SPHKAP: variants seen among roughly 807,000 people sequenced by gnomAD.
The protein encoded by SPHKAP is SPHK1 interactor, AKAP domain containing.
In SPHKAP, 67 loss-of-function variants were observed where a neutral mutation model predicts 137.5. The ratio of observed to expected loss-of-function variants is 0.49; its 90% CI spans 0.40 to 0.60. The LOEUF (loss-of-function observed/expected upper bound fraction) is 0.60, where lower values mean the gene tolerates loss of function less well. Ranked by LOEUF, SPHKAP falls within the 20% of genes least tolerant of loss-of-function variation. The pLI is 0.00. For missense variants in SPHKAP, 2,097 were observed against 2,069.3 expected, an observed-to-expected ratio of 1.01 and a Z score of -0.26; for synonymous variants, 813 against 785.3, an observed-to-expected ratio of 1.04 and a Z score of -0.59.
intron 11 of SPHKAP, chr2:227,982,370 A>C (rs1035057875): frequency 1.2e-5 from 12 of 985,244 alleles, no homozygotes; most frequent in Non-Finnish European, 6.0e-6. Context: ...TCCAGGCTAA[A>C]ATCAAGGATC....
intron 6 of SPHKAP, among the ~76,000 whole-genome samples, chr2:228,021,429 G>A (rs1694835984): frequency 6.6e-6 from 1 of 152,084 alleles, no homozygotes; most frequent in South Asian, 2.1e-4. Context: ...TCCATCTCTT[G>A]GCAGGCAGGA....
chr2:228,174,688 A>G (rs1241245064), intron 1 of SPHKAP, among the ~76,000 whole-genome samples: 2 of 152,236 alleles, frequency 1.3e-5, no homozygotes, highest in Non-Finnish European at 2.9e-5. Context: ...AGGAAAATAG[A>G]AAAACACTTC....
intron 2 of SPHKAP, among the ~76,000 whole-genome samples, chr2:228,119,471 A>ACTCTTT (rs1698838921): frequency 6.7e-6 from 1 of 148,462 alleles, no homozygotes; most frequent in African/African-American, 2.5e-5. Context: ...ACACACACAC[A>ACTCTTT]CTCTCTCTCT....
At chr2:228,134,921 T>C (rs1235055466) in intron 1 of SPHKAP, among the ~76,000 whole-genome samples, 2 of 152,098 alleles carry the variant, frequency 1.3e-5, no homozygotes, top group Admixed American at 6.6e-5. Context: ...ATGGGCAAAC[T>C]GAGAAGAAAG....
At chr2:228,005,529 G>T (rs965626676) in intron 7 of SPHKAP, among the ~76,000 whole-genome samples, 2 of 152,108 alleles carry the variant, frequency 1.3e-5, no homozygotes, top group African/African-American at 4.8e-5. Flanking sequence ...TCTTTTAATT[G>T]GAGCATTTAG....
intron 3 of SPHKAP, among the ~76,000 whole-genome samples, chr2:228,030,543 CAA>C (rs1553615001): frequency 5.1e-5 from 4 of 78,730 alleles, no homozygotes; most frequent in African/African-American, 1.6e-4. Flanking sequence ...CAACAAAAAA[CAA>C]AAAAAAAAAA....
At chr2:228,026,737 G>A (rs987221554) in intron 4 of SPHKAP, among the ~76,000 whole-genome samples, 1 of 152,140 alleles carries the variant, frequency 6.6e-6, no homozygotes, top group African/African-American at 2.4e-5. Context: ...GTGAAAATTT[G>A]TAATCAATTA....
rs763203962 is a variant in SPHKAP, at chr2:228,019,892, T to A, written c.962A>T (p.His321Leu). Residue 321 changes from histidine to leucine, a missense_variant, in exon 7 of 12, where the codon CAT (histidine) becomes CTT (leucine). By Grantham distance (99) the His-to-Leu change is moderately conservative (BLOSUM62 -3). Coordinates refer to ENST00000392056, the MANE Select transcript of SPHKAP (RefSeq NM_001142644.2). ...EAVGNGRQAT[H>L]YYHSEAFKGQ... is the part of the protein sequence containing the mutation. ...TTTAAAAGCTTCTGAATGATAATAA[T>A]GTGTGGCTTGTCTCCCATTCCCCAC... 1.2e-6 allele frequency: 2 copies of A among 1,614,256 alleles called. No individual in the cohort carries two copies. The highest frequency in any genetic ancestry group is 1.1e-5 in the South Asian group (1 of 91,090).
intron 2 of SPHKAP, among the ~76,000 whole-genome samples, chr2:228,110,427 G>C (rs1245756331): frequency 6.6e-6 from 1 of 151,970 alleles, no homozygotes; most frequent in East Asian, 1.9e-4. Flanking sequence ...ACAGTACAAA[G>C]AGACCCTTTG....
intron 1 of SPHKAP, among the ~76,000 whole-genome samples, chr2:228,162,812 C>A (rs748865732): frequency 1.3e-5 from 2 of 152,188 alleles, no homozygotes; most frequent in Non-Finnish European, 2.9e-5. Flanking sequence ...GATTCTCCTG[C>A]CTCAGCCTCC....
chr2:227,992,954 C>A (rs1329064032), intron 9 of SPHKAP, among the ~76,000 whole-genome samples: 1 of 152,146 alleles, frequency 6.6e-6, no homozygotes, highest in African/African-American at 2.4e-5. Flanking sequence ...GCTGCCCTCT[C>A]TTTTTGCGCC....
chr2:228,037,713 T>G (rs1038304720), intron 3 of SPHKAP, among the ~76,000 whole-genome samples: 1 of 152,154 alleles, frequency 6.6e-6, no homozygotes, highest in South Asian at 2.1e-4. Context: ...TGGAAAGAGA[T>G]AAGCATAGTT....
intron 7 of SPHKAP, among the ~76,000 whole-genome samples, chr2:227,999,226 G>A (rs1227847919): frequency 4.6e-5 from 7 of 152,158 alleles, no homozygotes; most frequent in Non-Finnish European, 1.5e-5. Context: ...GCATTGAGGT[G>A]TGGTTATTTC....
At chr2:227,995,807 C>T (rs1559337477) in intron 7 of SPHKAP, 113 bp from the exon 8 acceptor site, 1 of 1,335,722 alleles carries the variant, frequency 7.5e-7, no homozygotes, top group Non-Finnish European at 9.9e-7. Flanking sequence ...TGGACACAGG[C>T]AGAGTCTCCC....
chr2:228,174,403 A>G lies in SPHKAP; in HGVS notation c.32+7164T>C, dbSNP rs148658306. On this transcript the variant is annotated intron_variant, in intron 1 of 11. Transcript: ENST00000392056. ...ATGTGGCATGAGAAGGTCTTGAAGG[A>G]CTCCGGAGTGGAAATGTACTGGCAT... Among the ~76,000 whole-genome samples the G allele has an allele frequency of 5.1e-3, 772 of 152,060 alleles. 3 individuals carry two copies. Among genetic ancestry groups the G allele is most frequent in the Non-Finnish European group, 8.5e-3 (580 of 67,970 alleles).
chr2:228,171,574 G>A (rs1700585739), intron 1 of SPHKAP, among the ~76,000 whole-genome samples: 1 of 152,140 alleles, frequency 6.6e-6, no homozygotes, highest in African/African-American at 2.4e-5. Context: ...GAGAAGGACT[G>A]ATCAGTTTGG....
At chr2:228,151,291 T>C (rs1165665234) in intron 1 of SPHKAP, among the ~76,000 whole-genome samples, 8 of 151,580 alleles carry the variant, frequency 5.3e-5, no homozygotes, top group Admixed American at 6.6e-5. Context: ...GCATAGTATT[T>C]CATGGTGTAT....
rs146255336 is a variant in SPHKAP, at chr2:228,016,959, C to G, written c.3895G>C (p.Asp1299His). The G allele has an allele frequency of 5.5e-5, 89 of 1,613,994 alleles. 1 individual carries two copies. Among genetic ancestry groups the G allele is most frequent in the South Asian group, 2.7e-4 (25 of 91,064 alleles). The stretch of plus-strand genomic sequence containing the variant: ...TGAATTAACATGTTGGTGATGTGGT[C>G]AGTCCCACCTCTCCGATACAAGCAA... ...DSCLYRRGGTDHITNMLIHET... is the reference protein window; with the variant it reads ...DSCLYRRGGTHHITNMLIHET... The change falls in exon 7 of 12, where the codon GAC becomes CAC. Residue 1299 changes from aspartate to histidine, a missense_variant. Transcript: ENST00000392056.
chr2:228,080,774 A>AGGG (rs1183872429), intron 3 of SPHKAP, among the ~76,000 whole-genome samples: 24 of 90,274 alleles, frequency 2.7e-4, no homozygotes, highest in African/African-American at 1.0e-3. Context: ...AAATAAAATA[A>AGGG]AATAAAATAA....
Sources: allele counts gnomAD v4.1 joint callset (sites outside exome capture counted in the v4.1 genomes callset), GRCh38; gene constraint gnomAD v4.1.1; transcripts MANE v1.5; gene names NCBI Gene and HGNC (gene_info 2026-07-23, HGNC 2026-07-21).